VSTM2L: variants seen among roughly 807,000 people sequenced by gnomAD.
VSTM2L encodes the protein V-set and transmembrane domain-containing protein 2-like protein.
Under a neutral mutation model 19.9 loss-of-function variants are expected in VSTM2L, and 9 were observed. That is an observed-to-expected ratio of 0.45 (90% CI 0.27 to 0.79). The LOEUF is 0.79. Among genes scored for constraint, VSTM2L ranks in the 30% least tolerant of loss-of-function variants. VSTM2L has a pLI of 0.15. For missense variants in VSTM2L, 286 were observed against 295.5 expected (o/e 0.97, Z 0.24); for synonymous variants, 127 against 133.8 (o/e 0.95, Z 0.35).
chr20:37,939,085 A>G (rs980927554), intron 3 of VSTM2L, among the ~76,000 whole-genome samples: 1 of 152,128 alleles, frequency 6.6e-6, no homozygotes, highest in Non-Finnish European at 1.5e-5. Context: ...CCTGCATCAT[A>G]GGGTTATTGT....
At chr20:37,936,305 A>G (rs1264104288) in intron 3 of VSTM2L, among the ~76,000 whole-genome samples, 5 of 152,186 alleles carry the variant, frequency 3.3e-5, no homozygotes, top group African/African-American at 4.8e-5. Flanking sequence ...TACAGGGAAC[A>G]GCTGAGCCAG....
At chr20:37,917,826 C>T (rs557921710) in intron 1 of VSTM2L, among the ~76,000 whole-genome samples, 1 of 152,348 alleles carries the variant, frequency 6.6e-6, no homozygotes, top group East Asian at 1.9e-4. Context: ...CCGTTGATGG[C>T]GTGCGGCCCA....
chr20:37,923,799 G>A (rs2072865316), intron 1 of VSTM2L, among the ~76,000 whole-genome samples: 1 of 152,154 alleles, frequency 6.6e-6, no homozygotes, highest in African/African-American at 2.4e-5. Flanking sequence ...TCTAGAACTG[G>A]GTTCAGTTTC....
chr20:37,911,490 C>T (rs900336878), intron 1 of VSTM2L, among the ~76,000 whole-genome samples: 5 of 152,210 alleles, frequency 3.3e-5, no homozygotes, highest in South Asian at 2.1e-4. Context: ...ATCCGTCACA[C>T]GGCAATTTAG....
intron 1 of VSTM2L, among the ~76,000 whole-genome samples, chr20:37,914,299 G>A (rs1181696088): frequency 6.7e-6 from 1 of 148,466 alleles, no homozygotes; most frequent in East Asian, 2.0e-4. Flanking sequence ...TGGGTGTGTG[G>A]GTGTGTGCAT....
At position 37,928,066 on chromosome 20, in the gene VSTM2L, C is replaced by T. The variant is rs138552752; in HGVS notation, c.122-3569C>T. Among the ~76,000 whole-genome samples, 513 of 152,318 alleles carry T rather than the reference C, an allele frequency of 3.4e-3. 4 individuals are homozygous for T. Among genetic ancestry groups the T allele is most frequent in the African/African-American group, 0.012 (489 of 41,554 alleles). Reference sequence around the variant, plus strand: ...CTGATTTCCGTGGCTCAGGCAATGGCACCTGGAGAGGCCACAGCCGTGTCC... The same window carrying T: ...CTGATTTCCGTGGCTCAGGCAATGGTACCTGGAGAGGCCACAGCCGTGTCC... On this transcript the variant is annotated intron_variant, in intron 1 of 3. Transcript: ENST00000373461.
Position 37,904,518 on chromosome 20 carries a change from C to T in VSTM2L, c.121+1047C>T, listed in dbSNP as rs188464605. ...GAGCCCGGCAGCTGTGGGGGCTCCC[C>T]CTGACCCCTGTGAGCCTGGCTCTGG... is the stretch of plus-strand genomic sequence containing the variant. On this transcript the variant is annotated intron_variant, in intron 1 of 3. Coordinates refer to ENST00000373461, the MANE Select transcript of VSTM2L (RefSeq NM_080607.3). 2.6e-5 allele frequency among the ~76,000 whole-genome samples: 4 copies of T among 152,308 alleles called. No homozygotes were observed. The East Asian group carries it at 7.7e-4, about 29-fold the overall frequency.
chr20:37,940,302 AC>A (rs1384692636), intron 3 of VSTM2L, among the ~76,000 whole-genome samples: 2 of 151,926 alleles, frequency 1.3e-5, no homozygotes, highest in African/African-American at 4.8e-5. Flanking sequence ...GGGAGGGGGC[AC>A]CCCCACAGCC....
chr20:37,931,952 C>T lies in VSTM2L; in HGVS notation c.291+148C>T, dbSNP rs2072912940. 2.9e-6 allele frequency: 3 copies of T among 1,018,216 alleles called. No individual in the cohort carries two copies. In the Admixed American group the frequency reaches 8.5e-5, roughly 29 times the overall value. The allele number at this position is 1,018,216 out of a possible 1,614,324, so 63.1% of individuals were successfully genotyped here. On this transcript the variant is annotated intron_variant, in intron 2 of 3. Coordinates refer to ENST00000373461, the MANE Select transcript of VSTM2L (RefSeq NM_080607.3). Reference sequence around the variant, plus strand: ...ACAGCTGTCTCCCTCCCTTCTTCCTCCTGGGGTGGGGGTTTTAGGTGATCA... The same window carrying T: ...ACAGCTGTCTCCCTCCCTTCTTCCTTCTGGGGTGGGGGTTTTAGGTGATCA...
chr20:37,938,899 T>A (rs911312524), intron 3 of VSTM2L, among the ~76,000 whole-genome samples: 1 of 152,032 alleles, frequency 6.6e-6, no homozygotes, highest in Non-Finnish European at 1.5e-5. Context: ...CTGATGAGGT[T>A]TGGGGCTGGG....
chr20:37,912,055 G>A (rs1397517014), intron 1 of VSTM2L, among the ~76,000 whole-genome samples: 4 of 152,192 alleles, frequency 2.6e-5, no homozygotes, highest in Non-Finnish European at 5.9e-5. Flanking sequence ...CACTTCCCCT[G>A]CCTCCTCCCA....
intron 1 of VSTM2L, among the ~76,000 whole-genome samples, chr20:37,911,815 C>G (rs1479140527): frequency 6.6e-6 from 1 of 152,202 alleles, no homozygotes; most frequent in East Asian, 1.9e-4. Flanking sequence ...TGCTTGAGCT[C>G]CAAGCCTGTA....
At chr20:37,918,786 G>T (rs907980106) in intron 1 of VSTM2L, among the ~76,000 whole-genome samples, 2 of 152,044 alleles carry the variant, frequency 1.3e-5, no homozygotes, top group Admixed American at 1.3e-4. Flanking sequence ...CAGCCTTCAG[G>T]TCCAAGCAAG....
chr20:37,913,908 G>A (rs962627307), intron 1 of VSTM2L, among the ~76,000 whole-genome samples: 1 of 152,214 alleles, frequency 6.6e-6, no homozygotes, highest in Non-Finnish European at 1.5e-5. Context: ...GGCCAGGTTG[G>A]CGTCGGAGTG....
intron 1 of VSTM2L, among the ~76,000 whole-genome samples, chr20:37,929,253 T>C (rs1169760116): frequency 6.6e-6 from 1 of 152,116 alleles, no homozygotes; most frequent in African/African-American, 2.4e-5. Context: ...TGCAAAGGTC[T>C]TGAGGTGGAA....
Position 37,939,861 on chromosome 20 carries a change from T to C in VSTM2L, c.343-4120T>C, listed in dbSNP as rs569592043. Among the ~76,000 whole-genome samples the C allele has an allele frequency of 4.1e-3, 630 of 152,218 alleles. 2 individuals carry two copies. Among genetic ancestry groups the C allele is most frequent in the South Asian group, 0.023 (113 of 4,820 alleles). On this transcript the variant is annotated intron_variant, in intron 3 of 3. Coordinates refer to ENST00000373461, the MANE Select transcript of VSTM2L (RefSeq NM_080607.3). ...GTCACGGTCAGCGCCTGGCCTCCCA[T>C]CCCTCCCTGCGGTGCTCCCTGCCCT...
chr20:37,933,701 A>T, intron 3 of VSTM2L, 112 bp downstream of exon 3: 1 of 1,067,302 alleles, frequency 9.4e-7, no homozygotes, highest in Non-Finnish European at 1.4e-6. Flanking sequence ...GATGGAAGAG[A>T]AGAAAAAGAG....
chr20:37,917,443 C>A (rs1279636537), intron 1 of VSTM2L, among the ~76,000 whole-genome samples: 1 of 152,234 alleles, frequency 6.6e-6, no homozygotes, highest in Non-Finnish European at 1.5e-5. Flanking sequence ...GTCTAAGGCT[C>A]AGCAAGGAGT....
Position 37,945,326 on chromosome 20 carries a change from C to G in VSTM2L, c.*1073C>G, listed in dbSNP as rs966519389. 6.2e-6 allele frequency: 6 copies of G among 967,006 alleles called. No individual in the cohort carries two copies. The highest frequency in any genetic ancestry group is 7.4e-6 in the Non-Finnish European group (6 of 813,386). The allele number at this position is 967,006 out of a possible 1,614,324, so 59.9% of individuals were successfully genotyped here. A position where few individuals can be genotyped will look rare whatever the true frequency, so the allele number is the denominator to read the frequency against. ...GATCCAGTCTGTGACTACCAGCCAA[C>G]CTGAATAAAGCGGTTTTAAAAAAAC... On this transcript the variant is annotated 3_prime_UTR_variant, in exon 4 of 4. Transcript: ENST00000373461.
Sources: gnomAD v4.1 joint callset for allele counts (sites outside exome capture counted in the v4.1 genomes callset) on GRCh38, gnomAD v4.1.1 for gene constraint, MANE v1.5 for transcripts, NCBI Gene and HGNC (gene_info 2026-07-23, HGNC 2026-07-21) for gene names.